Variants in ITGA5 observed in about 807,000 individuals in gnomAD.
The protein encoded by ITGA5 is integrin subunit alpha 5.
A neutral mutation model predicts 146.3 loss-of-function variants in ITGA5; 55 were observed. The ratio of observed to expected loss-of-function variants is 0.38; its 90% CI spans 0.30 to 0.47. The LOEUF (loss-of-function observed/expected upper bound fraction) is 0.47. ITGA5 is among the 20% of genes least tolerant of loss of function. The pLI is 0.99. For synonymous variants in ITGA5, 500 were observed against 531.8 expected (o/e 0.94, Z 0.82); for missense variants, 1,131 against 1,329.0 (o/e 0.85, Z 2.32).
At chr12:54,398,837 T>C (rs75056861) in intron 27 of ITGA5, 139 bp from the exon 28 acceptor site, 95 of 149,716 alleles carry the variant, frequency 6.3e-4, no homozygotes, top group Middle Eastern at 2.6e-3. Flanking sequence ...CTCTCTCTCT[T>C]TTTTTTTTTT....
rs762092744 is a variant in ITGA5, at chr12:54,401,726, C to T, written c.2306+50G>A. 1 of 1,611,000 alleles carries T rather than the reference C, an allele frequency of 6.2e-7. No individual in the cohort carries two copies. Among genetic ancestry groups the T allele is most frequent in the Non-Finnish European group, 8.5e-7 (1 of 1,177,250 alleles). On this transcript the variant is annotated intron_variant, in intron 22 of 29. Transcript: ENST00000293379. The surrounding 1 kb of genome is among the most constrained non-coding windows in gnomAD (Gnocchi z 5.0). Reference sequence around the variant, plus strand: ...CAGCCAGTGAGAATGGCGCCCAGCCCTCCCTTCCGTCCCCAGCTCAGCCCC... The same window carrying T: ...CAGCCAGTGAGAATGGCGCCCAGCCTTCCCTTCCGTCCCCAGCTCAGCCCC...
chr12:54,406,405 G>A (rs1489147154), intron 9 of ITGA5, among the ~76,000 whole-genome samples: 1 of 152,108 alleles, frequency 6.6e-6, no homozygotes, highest in Admixed American at 6.5e-5. Context: ...TTCCCTTAGT[G>A]ACTGGCCCCA....
intron 2 of ITGA5, among the ~76,000 whole-genome samples, chr12:54,411,201 A>T (rs1955939529): frequency 1.3e-5 from 2 of 152,232 alleles, no homozygotes; most frequent in Admixed American, 6.5e-5. Flanking sequence ...GCCCTAGTTC[A>T]TATCCTCTCT....
At position 54,412,754 on chromosome 12, in the gene ITGA5, A is replaced by G. The variant is rs145922231; in HGVS notation, c.219-790T>C. Reference sequence around the variant, plus strand: ...TTGCCCTGTGTAATGGGGTGGTCATAGCTAAGGGCCTGGGCAGTCCTCCTG... The same window carrying G: ...TTGCCCTGTGTAATGGGGTGGTCATGGCTAAGGGCCTGGGCAGTCCTCCTG... On this transcript the variant is annotated intron_variant, in intron 1 of 29. Transcript: ENST00000293379. Among the ~76,000 whole-genome samples, 322 of 152,268 alleles carry G rather than the reference A, an allele frequency of 2.1e-3. 3 individuals carry two copies. Among genetic ancestry groups the G allele is most frequent in the African/African-American group, 7.2e-3 (300 of 41,548 alleles).
chr12:54,404,027 C>T, intron 15 of ITGA5, 61 bp from the exon 16 acceptor site: 1 of 1,594,002 alleles, frequency 6.3e-7, no homozygotes, highest in Non-Finnish European at 8.6e-7. Context: ...CTATCCTCTA[C>T]CTATCTCCCA....
chr12:54,410,097 T>G (rs1955923375), intron 2 of ITGA5, among the ~76,000 whole-genome samples: 2 of 152,070 alleles, frequency 1.3e-5, no homozygotes, highest in South Asian at 4.2e-4. Context: ...CCTCATGACC[T>G]GCCCGCCTCA....
chr12:54,398,560 T>C (rs1196897444), intron 28 of ITGA5, 37 bp downstream of exon 28: 3 of 1,460,536 alleles, frequency 2.1e-6, no homozygotes, highest in African/African-American at 2.8e-5. Context: ...CTCTGAGCCC[T>C]GTATTCCCTC....
At chr12:54,418,202 C>A (rs1228039900) in intron 1 of ITGA5, among the ~76,000 whole-genome samples, 3 of 152,018 alleles carry the variant, frequency 2.0e-5, no homozygotes, top group African/African-American at 7.3e-5. Context: ...GGAAACCGCC[C>A]ACCCCCCTTC....
chr12:54,398,819 C>G (rs1427727930), intron 27 of ITGA5, 121 bp from the exon 28 acceptor site: 1 of 464,978 alleles, frequency 2.2e-6, no homozygotes, highest in Non-Finnish European at 3.7e-6. Flanking sequence ...TCCTGAGTCT[C>G]TCTCTCTCTC....
intron 1 of ITGA5, among the ~76,000 whole-genome samples, chr12:54,414,369 T>A (rs973934135): frequency 5.9e-5 from 9 of 152,212 alleles, no homozygotes; most frequent in Non-Finnish European, 8.8e-5. Context: ...GTCCGTGTGC[T>A]ATTTTCAATA....
chr12:54,400,255 TTA>T, intron 25 of ITGA5: 1 of 348,170 alleles, frequency 2.9e-6, no homozygotes, highest in Admixed American at 4.4e-5. Flanking sequence ...AGGTTCAACC[TTA>T]TCTTTCAGGC....
At chr12:54,402,649 G>A (rs1008849243) in intron 19 of ITGA5, among the ~76,000 whole-genome samples, 5 of 151,574 alleles carry the variant, frequency 3.3e-5, no homozygotes, top group East Asian at 1.9e-4. Flanking sequence ...GCAGTGAGCC[G>A]AGATTGCGCC....
Position 54,416,541 on chromosome 12 carries a change from G to A in ITGA5, c.218+2440C>T, listed in dbSNP as rs1175518259. 3.5e-5 allele frequency among the ~76,000 whole-genome samples: 5 copies of A among 144,914 alleles called. No homozygotes were observed. Among genetic ancestry groups the A allele is most frequent in the Admixed American group, 2.7e-4 (4 of 15,012 alleles). ...AATACTCAAAGCAAGTAAGAAATGA[G>A]GGAACTAGGCGGTAGCCAGGAAGGA... On this transcript the variant is annotated intron_variant, in intron 1 of 29. Coordinates refer to ENST00000293379, the MANE Select transcript of ITGA5 (RefSeq NM_002205.5). The surrounding 1 kb of genome is among the most constrained non-coding windows in gnomAD (Gnocchi z 4.1).
chr12:54,401,064 C>A lies in ITGA5; in HGVS notation c.2494-69G>T. 1.3e-6 allele frequency: 2 copies of A among 1,484,388 alleles called. No homozygotes were observed. The highest frequency in any genetic ancestry group is 1.2e-5 in the South Asian group (1 of 82,490). 92.0% of individuals were successfully genotyped at this position (1,484,388 alleles called of 1,614,324 possible). ...CTTCTGCCCCATTGAGACCCTGGAT[C>A]ACCATGGCTCCACTATACCCTGCTG... On this transcript the variant is annotated intron_variant, in intron 24 of 29. Transcript: ENST00000293379. The surrounding 1 kb of genome is among the most constrained non-coding windows in gnomAD (Gnocchi z 5.0).
At position 54,415,296 on chromosome 12, in the gene ITGA5, G is replaced by T. The variant is rs558368748; in HGVS notation, c.219-3332C>A. 1.6e-4 allele frequency among the ~76,000 whole-genome samples: 24 copies of T among 152,306 alleles called. No individual in the cohort carries two copies. The South Asian group carries it at 3.7e-3, about 24-fold the overall frequency. ...TATTCTGAAGCCTCAGAAATGGAAG[G>T]GTTGGTCCTTGGAGACACAGACTAC... On this transcript the variant is annotated intron_variant, in intron 1 of 29. Transcript: ENST00000293379.
At chr12:54,414,839 CCTT>C (rs1955986876) in intron 1 of ITGA5, among the ~76,000 whole-genome samples, 1 of 145,246 alleles carries the variant, frequency 6.9e-6, no homozygotes, top group African/African-American at 2.6e-5. Flanking sequence ...GAGCGAGACT[CCTT>C]CTCAACAACA....
At chr12:54,404,669 T>A in intron 13 of ITGA5, 34 bp downstream of exon 13, 1 of 1,592,894 alleles carries the variant, frequency 6.3e-7, no homozygotes, top group South Asian at 1.1e-5. Context: ...ACCAGGGAAT[T>A]TTAAGGTGAA....
intron 1 of ITGA5, among the ~76,000 whole-genome samples, chr12:54,418,624 G>T (rs1296491523): frequency 2.7e-4 from 12 of 44,178 alleles, no homozygotes; most frequent in African/African-American, 9.2e-4. Context: ...GCCCCCACCC[G>T]CCCCAGGTCC....
chr12:54,403,516 T>C lies in ITGA5; in HGVS notation c.1776+109A>G. 7.3e-7 allele frequency: 1 copy of C among 1,363,460 alleles called. No individual in the cohort carries two copies. The allele number at this position is 1,363,460 out of a possible 1,614,324, so 84.5% of individuals were successfully genotyped here. A position where few individuals can be genotyped will look rare whatever the true frequency, so the allele number is the denominator to read the frequency against. ...CTCCCTTTCTCAGCCCCTACAAGAGTCCCAAGCCCTTCACTGGAGTCCCCC... is the reference window on the plus strand; with the variant it reads ...CTCCCTTTCTCAGCCCCTACAAGAGCCCCAAGCCCTTCACTGGAGTCCCCC... On this transcript the variant is annotated intron_variant, in intron 17 of 29. Transcript: ENST00000293379. This position sits in a 1 kb window ranked among gnomAD's most constrained non-coding sequence, Gnocchi z 4.9.
Sources: gnomAD v4.1 joint callset for allele counts (sites outside exome capture counted in the v4.1 genomes callset) on GRCh38, gnomAD v4.1.1 for gene constraint, Gnocchi (gnomAD v3.1) non-coding constraint, MANE v1.5 for transcripts, NCBI Gene and HGNC (gene_info 2026-07-23, HGNC 2026-07-21) for gene names.